RAB27A: variants seen among roughly 807,000 people sequenced by gnomAD.
RAB27A encodes the protein RAB27A, member RAS oncogene family.
A neutral mutation model predicts 20.8 loss-of-function variants in RAB27A; 17 were observed. The observed-to-expected ratio is 0.82, with a 90% CI of 0.56 to 1.23. The LOEUF (loss-of-function observed/expected upper bound fraction) is 1.23, where lower values mean the gene tolerates loss of function less well. RAB27A is among the 50% of genes most tolerant of loss of function. The pLI is 0.00. For missense variants in RAB27A, 277 were observed against 266.7 expected, an observed-to-expected ratio of 1.04 and a Z score of -0.27; for synonymous variants, 85 against 92.8, an observed-to-expected ratio of 0.92 and a Z score of 0.48.
chr15:55,307,173 C>A (rs56849426), intron 2 of RAB27A, among the ~76,000 whole-genome samples: 7,060 of 151,918 alleles, frequency 0.046, 566 homozygotes, highest in African/African-American at 0.16. Flanking sequence ...TGGAATATTT[C>A]TTTTCCCTCC....
chr15:55,246,091 GAT>G (rs1387167601), intron 2 of RAB27A, among the ~76,000 whole-genome samples: 2 of 150,482 alleles, frequency 1.3e-5, no homozygotes, highest in Non-Finnish European at 3.0e-5. Context: ...ATATGATATA[GAT>G]ATATATATAA....
intron 6 of RAB27A, chr15:55,206,189 C>A (rs1894642219): frequency 1.5e-5 from 5 of 326,038 alleles, no homozygotes; most frequent in Non-Finnish European, 2.2e-5. Context: ...CCAGCCTGGG[C>A]AATAGAGTTA....
At chr15:55,259,339 G>A (rs1368730663) in intron 2 of RAB27A, among the ~76,000 whole-genome samples, 3 of 151,654 alleles carry the variant, frequency 2.0e-5, no homozygotes, top group African/African-American at 7.3e-5. Context: ...TCACTCCAGT[G>A]CAATGGCACA....
chr15:55,270,084 C>T (rs1465670382), intron 2 of RAB27A, 81 bp downstream of exon 2: 1 of 150,978 alleles, frequency 6.6e-6, no homozygotes, highest in African/African-American at 2.4e-5. Context: ...TTATATTGCA[C>T]ATAATTTAAG....
chr15:55,310,571 G>A (rs1004146949), intron 2 of RAB27A, among the ~76,000 whole-genome samples: 4 of 152,154 alleles, frequency 2.6e-5, no homozygotes, highest in Non-Finnish European at 4.4e-5. Flanking sequence ...AGCCCTATTA[G>A]GCATTCGATT....
At chr15:55,311,258 T>C (rs2055019478) in intron 2 of RAB27A, among the ~76,000 whole-genome samples, 1 of 152,220 alleles carries the variant, frequency 6.6e-6, no homozygotes, top group Non-Finnish European at 1.5e-5. Flanking sequence ...TCCTAACCCT[T>C]GTAAAACCTC....
rs532725240 is a variant in RAB27A, at chr15:55,240,449, A to G, written c.-22-5493T>C. On this transcript the variant is annotated intron_variant, in intron 2 of 6. Transcript: ENST00000336787. ...AGCACTTTACACACATTAGCACAAC[A>G]ATCCTCATCACTGCCCTATACATAG... 2.9e-4 allele frequency among the ~76,000 whole-genome samples: 44 copies of G among 152,154 alleles called. 1 individual carries two copies. Among genetic ancestry groups the G allele is most frequent in the Non-Finnish European group, 2.5e-4 (17 of 68,028 alleles).
At chr15:55,292,038 G>C (rs1168708389), upstream of RAB27A, among the ~76,000 whole-genome samples, 1 of 152,180 alleles carries the variant, frequency 6.6e-6, no homozygotes, top group Non-Finnish European at 1.5e-5. Flanking sequence ...GGAAGGCCTG[G>C]AAGCAAAAGA....
intron 2 of RAB27A, among the ~76,000 whole-genome samples, chr15:55,302,176 CAA>C (rs373778914): frequency 5.8e-5 from 7 of 119,752 alleles, no homozygotes; most frequent in East Asian, 2.4e-4. Context: ...GACTCTGTCT[CAA>C]AAAAAAAAAA....
At chr15:55,306,856 G>A (rs553003508) in intron 2 of RAB27A, among the ~76,000 whole-genome samples, 1 of 152,142 alleles carries the variant, frequency 6.6e-6, no homozygotes, top group Non-Finnish European at 1.5e-5. Flanking sequence ...GAACAGTAAA[G>A]AGAAAAATAC....
At position 55,257,730 on chromosome 15, in the gene RAB27A, C is replaced by T. The variant is rs532421149; in HGVS notation, c.-23+12435G>A. On this transcript the variant is annotated intron_variant, in intron 2 of 6. Coordinates refer to ENST00000336787, the MANE Select transcript of RAB27A (RefSeq NM_183235.3). ...CACACTGGCTGGGCATGGTGGCTCACGCCTGTAATCCCAGCACTTTGGCAG... is the reference window on the plus strand; with the variant it reads ...CACACTGGCTGGGCATGGTGGCTCATGCCTGTAATCCCAGCACTTTGGCAG... Among the ~76,000 whole-genome samples the T allele has an allele frequency of 3.2e-4, 48 of 152,294 alleles. 1 individual carries two copies. Among genetic ancestry groups the T allele is most frequent in the African/African-American group, 9.9e-4 (41 of 41,566 alleles).
At chr15:55,268,624 T>C (rs1323908495) in intron 2 of RAB27A, among the ~76,000 whole-genome samples, 2 of 152,148 alleles carry the variant, frequency 1.3e-5, no homozygotes, top group African/African-American at 4.8e-5. Context: ...CTCACAAAGC[T>C]AGATCCCTAT....
chr15:55,264,760 G>C lies in RAB27A; in HGVS notation c.-23+5405C>G, dbSNP rs115213665. ...AGCTTGATGCCACTGAGGAGGGAGA[G>C]AGCCTGGTTTAAATGACTGAAATTC... On this transcript the variant is annotated intron_variant, in intron 2 of 6. Coordinates refer to ENST00000336787, the MANE Select transcript of RAB27A (RefSeq NM_183235.3). 1.1e-3 allele frequency among the ~76,000 whole-genome samples: 169 copies of C among 152,254 alleles called. 1 individual carries two copies. The highest frequency in any genetic ancestry group is 3.4e-3 in the Middle Eastern group (1 of 294).
intron 1 of RAB27A, among the ~76,000 whole-genome samples, chr15:55,274,773 G>A (rs60338710): frequency 0.45 from 31,994 of 71,144 alleles, 5,033 homozygotes; most frequent in East Asian, 0.67. Context: ...GCAAGAATCC[G>A]TCCTTAAAAA....
At position 55,248,980 on chromosome 15, in the gene RAB27A, T is replaced by A. The variant is rs117682863; in HGVS notation, c.-22-14024A>T. ...ATGGACAAGGTCAAATCAGATATAT[T>A]TCTTATTGCTTCTCAAAGTCTTTCC... On this transcript the variant is annotated intron_variant, in intron 2 of 6. Coordinates refer to ENST00000336787, the MANE Select transcript of RAB27A (RefSeq NM_183235.3). The A allele has an allele frequency of 5.3e-4, 81 of 152,358 alleles. No homozygotes were observed. The East Asian group carries it at 0.011, about 20-fold the overall frequency. 9.4% of individuals were successfully genotyped at this position (152,358 alleles called of 1,614,324 possible).
chr15:55,292,508 T>C (rs2054927571), upstream of RAB27A, among the ~76,000 whole-genome samples: 1 of 152,222 alleles, frequency 6.6e-6, no homozygotes, highest in South Asian at 2.1e-4. Flanking sequence ...TGAATGGACA[T>C]ATTTGACATA....
chr15:55,235,618 G>A (rs1566912169), intron 2 of RAB27A, among the ~76,000 whole-genome samples: 2 of 152,072 alleles, frequency 1.3e-5, no homozygotes, highest in African/African-American at 4.8e-5. Flanking sequence ...ACAGAGGAAA[G>A]AGAATGTTAT....
chr15:55,229,657 C>T (rs1895954473), intron 4 of RAB27A, among the ~76,000 whole-genome samples: 1 of 151,318 alleles, frequency 6.6e-6, no homozygotes, highest in Admixed American at 6.6e-5. Context: ...AAGAATGAAA[C>T]TCCGCCCAAA....
At chr15:55,274,837 G>C (rs374962742) in intron 1 of RAB27A, among the ~76,000 whole-genome samples, 19 of 68,258 alleles carry the variant, frequency 2.8e-4, no homozygotes, top group African/African-American at 7.7e-4. Context: ...TATAGAGAGA[G>C]ACAGACAAAA....
Sources: gnomAD v4.1 joint callset for allele counts (sites outside exome capture counted in the v4.1 genomes callset) on GRCh38, gnomAD v4.1.1 for gene constraint, MANE v1.5 for transcripts, NCBI Gene and HGNC (gene_info 2026-07-23, HGNC 2026-07-21) for gene names.